Variants in MTCL1 observed in about 807,000 individuals in gnomAD.
The protein encoded by MTCL1 is microtubule cross-linking factor 1.
MTCL1 carries 79 observed loss-of-function variants against 141.4 expected under a neutral mutation model. That is an observed-to-expected ratio of 0.56 (90% CI 0.47 to 0.67). MTCL1 has a LOEUF of 0.67. Ranked by LOEUF, MTCL1 falls within the 30% of genes least tolerant of loss-of-function variation. MTCL1 has a pLI of 0.00. For missense variants in MTCL1, 2,177 were observed against 2,113.9 expected (o/e 1.03, Z -0.59); for synonymous variants, 914 against 875.8 (o/e 1.04, Z -0.77).
At chr18:8,825,911 C>G in exon 15 of MTCL1, 2 of 1,610,366 alleles carry the variant, frequency 1.2e-6, no homozygotes, top group South Asian at 2.2e-5. Flanking sequence ...TGCGGGCCGG[C>G]AGTCGGTCTC....
chr18:8,765,343 A>C (rs1002569138), intron 4 of MTCL1, among the ~76,000 whole-genome samples: 4 of 152,236 alleles, frequency 2.6e-5, no homozygotes, highest in Admixed American at 2.0e-4. Context: ...CCCAAGGGGC[A>C]AGAAATGACT....
chr18:8,719,027 T>C (rs891151197), intron 3 of MTCL1, among the ~76,000 whole-genome samples: 1 of 152,132 alleles, frequency 6.6e-6, no homozygotes, highest in African/African-American at 2.4e-5. Context: ...TCACTTAACA[T>C]TTTTTTATTG....
intron 12 of MTCL1, among the ~76,000 whole-genome samples, chr18:8,815,344 T>C (rs2076617018): frequency 6.6e-6 from 1 of 151,788 alleles, no homozygotes; most frequent in South Asian, 2.1e-4. Context: ...AAATTGGAAA[T>C]CATCATTCTC....
At chr18:8,763,177 T>C (rs1365067072) in intron 4 of MTCL1, among the ~76,000 whole-genome samples, 1 of 152,226 alleles carries the variant, frequency 6.6e-6, no homozygotes, top group Non-Finnish European at 1.5e-5. Context: ...TTGTTCTGTC[T>C]GGCTTCAGTT....
chr18:8,705,953 C>T lies in MTCL1; in HGVS notation c.293C>T (p.Ser98Phe). The change falls in exon 1 of 14, where the codon TCT (serine) becomes TTT (phenylalanine). Residue 98 changes from serine to phenylalanine, a missense_variant. By Grantham distance (155) the Ser-to-Phe change is radical. Transcript: ENST00000306329. The surrounding 1 kb of genome is among the most constrained non-coding windows in gnomAD (Gnocchi z 5.2). ...TCCCTGGCCGCGCCCGGCCGCCTCT[C>T]TCGGCGCAGTGGCGGCGTCCCGGGC... 9.0e-7 allele frequency: 1 copy of T among 1,108,780 alleles called. No individual in the cohort carries two copies. Among genetic ancestry groups the T allele is most frequent in the South Asian group, 4.3e-5 (1 of 23,276 alleles). The allele number at this position is 1,108,780 out of a possible 1,614,324, so 68.7% of individuals were successfully genotyped here. A position where few individuals can be genotyped will look rare whatever the true frequency, so the allele number is the denominator to read the frequency against.
At chr18:8,826,271 C>T in intron 15 of MTCL1, 39 bp downstream of exon 14, 1 of 1,482,408 alleles carries the variant, frequency 6.7e-7, no homozygotes, top group Non-Finnish European at 9.0e-7. Context: ...TCCCCACCAG[C>T]TCTTCCCTTT....
At chr18:8,813,691 A>G (rs559852684) in intron 12 of MTCL1, among the ~76,000 whole-genome samples, 2 of 152,358 alleles carry the variant, frequency 1.3e-5, no homozygotes, top group South Asian at 4.1e-4. Flanking sequence ...TTCAGTTGAA[A>G]GTCAGGCTGT....
intron 8 of MTCL1, among the ~76,000 whole-genome samples, chr18:8,795,119 C>T (rs2075870988): frequency 1.3e-5 from 2 of 152,220 alleles, no homozygotes; most frequent in African/African-American, 4.8e-5. Flanking sequence ...CAGTAAAGGT[C>T]AGGTATTAGG....
chr18:8,791,672 T>C (rs1568045627), intron 7 of MTCL1, among the ~76,000 whole-genome samples: 1 of 152,048 alleles, frequency 6.6e-6, no homozygotes. Flanking sequence ...TAATAGACCT[T>C]TTGGAAATGC....
chr18:8,809,340 G>A (rs1294961212), intron 11 of MTCL1: 23 of 1,370,284 alleles, frequency 1.7e-5, no homozygotes, highest in Admixed American at 1.3e-4. Context: ...ATGTCCTCCG[G>A]TTATAAACAT....
chr18:8,745,702 C>G (rs1460072791), intron 4 of MTCL1, among the ~76,000 whole-genome samples: 1 of 152,172 alleles, frequency 6.6e-6, no homozygotes, highest in Admixed American at 6.5e-5. Flanking sequence ...TGCACATGTT[C>G]AACTTTTATC....
intron 4 of MTCL1, among the ~76,000 whole-genome samples, chr18:8,752,580 T>C (rs751529145): frequency 6.6e-6 from 1 of 152,200 alleles, no homozygotes; most frequent in Non-Finnish European, 1.5e-5. Flanking sequence ...GTTTGTATGC[T>C]ACAGACCCAC....
intron 7 of MTCL1, chr18:8,786,409 T>A: frequency 1.8e-6 from 1 of 558,498 alleles, no homozygotes. Context: ...TCTTGTCCAG[T>A]CGCAGAGAAA....
chr18:8,715,563 A>G (rs1327001800), upstream of MTCL1, among the ~76,000 whole-genome samples: 1 of 152,176 alleles, frequency 6.6e-6, no homozygotes, highest in African/African-American at 2.4e-5. Flanking sequence ...TATTGAACTG[A>G]TTTGTATTAA....
chr18:8,744,395 G>A (rs1410782540), intron 4 of MTCL1, among the ~76,000 whole-genome samples: 1 of 152,126 alleles, frequency 6.6e-6, no homozygotes, highest in Non-Finnish European at 1.5e-5. Flanking sequence ...AATTTTTGTA[G>A]CTTCTGACTT....
chr18:8,795,199 C>T lies in MTCL1; in HGVS notation c.2011-1033C>T, dbSNP rs555073453. 3.9e-5 allele frequency among the ~76,000 whole-genome samples: 6 copies of T among 152,358 alleles called. No homozygotes were observed. In the South Asian group the frequency reaches 6.2e-4, roughly 16 times the overall value. Reference sequence around the variant, plus strand: ...GAGCTGCCTCTGACTCTTCACTGGCCTTTAGCACATTGGCCTCGGGCAGCT... The same window carrying T: ...GAGCTGCCTCTGACTCTTCACTGGCTTTTAGCACATTGGCCTCGGGCAGCT... On this transcript the variant is annotated intron_variant, in intron 8 of 16. Transcript: ENST00000359865.
At chr18:8,818,994 G>A in exon 13 of MTCL1, 1 of 1,613,998 alleles carries the variant, frequency 6.2e-7, no homozygotes, top group South Asian at 1.1e-5. Context: ...CGGAGAGGTG[G>A]CAGTTTCCTC....
At chr18:8,829,415 T>C in intron 16 of MTCL1, 1 of 984,562 alleles carries the variant, frequency 1.0e-6, no homozygotes, top group Non-Finnish European at 1.2e-6. Context: ...CTTTTGTTTT[T>C]CATTTTTCAA....
At chr18:8,798,271 A>G (rs757142280) in exon 10 of MTCL1, 7 of 1,562,422 alleles carry the variant, frequency 4.5e-6, no homozygotes, top group African/African-American at 4.2e-5. Context: ...GACCGCGGAC[A>G]GGGGACAGCC....
Sources: allele counts gnomAD v4.1 joint callset (sites outside exome capture counted in the v4.1 genomes callset), GRCh38; gene constraint gnomAD v4.1.1; non-coding constraint Gnocchi (gnomAD v3.1); transcripts MANE v1.5; gene names NCBI Gene and HGNC (gene_info 2026-07-23, HGNC 2026-07-21).